TRIM66: variants seen among roughly 807,000 people sequenced by gnomAD.
The protein encoded by TRIM66 is tripartite motif-containing protein 66.
A neutral mutation model predicts 148.2 loss-of-function variants in TRIM66; 99 were observed. That is an observed-to-expected ratio of 0.67 (90% CI 0.57 to 0.79). The LOEUF is 0.79. Ranked by LOEUF, TRIM66 falls within the 30% of genes least tolerant of loss-of-function variation. The pLI is 0.00. For missense variants in TRIM66, 1,666 were observed against 1,697.9 expected, an observed-to-expected ratio of 0.98 and a Z score of 0.33; for synonymous variants, 616 against 635.9, an observed-to-expected ratio of 0.97 and a Z score of 0.47.
chr11:8,661,183 T>TC (rs1314325079), intron 6 of TRIM66, among the ~76,000 whole-genome samples: 1 of 152,146 alleles, frequency 6.6e-6, no homozygotes, highest in Non-Finnish European at 1.5e-5. Context: ...CAGGCAGATA[T>TC]CCAGGGCCTG....
At chr11:8,670,223 G>A (rs934871305) in intron 6 of TRIM66, among the ~76,000 whole-genome samples, 2 of 152,088 alleles carry the variant, frequency 1.3e-5, no homozygotes, top group Non-Finnish European at 2.9e-5. Context: ...ATGTTGCCCA[G>A]GCTGGTCTCG....
chr11:8,628,374 A>G (rs1482694482), intron 15 of TRIM66, among the ~76,000 whole-genome samples: 5 of 151,954 alleles, frequency 3.3e-5, no homozygotes, highest in African/African-American at 4.8e-5. Context: ...GCACTTTGGG[A>G]GACCGAGGCG....
chr11:8,661,443 G>T (rs2038247964), intron 6 of TRIM66, among the ~76,000 whole-genome samples: 2 of 152,218 alleles, frequency 1.3e-5, no homozygotes, highest in African/African-American at 4.8e-5. Flanking sequence ...TAGCACCTCT[G>T]TCTCTTTTCA....
intron 18 of TRIM66, 26 bp from the exon 19 acceptor site, chr11:8,621,845 T>G: frequency 6.6e-7 from 1 of 1,512,724 alleles, no homozygotes; most frequent in Non-Finnish European, 8.8e-7. Flanking sequence ...CACCCCGGGG[T>G]CTTGGTGGGA....
At chr11:8,649,967 A>G (rs1323757645) in intron 7 of TRIM66, 80 bp from the exon 8 acceptor site, 2 of 1,481,398 alleles carry the variant, frequency 1.4e-6, no homozygotes, top group Admixed American at 2.1e-5. Context: ...CTCTAAAGAC[A>G]GGGGTCCTGC....
rs1336738399 is a variant in TRIM66 at position 8,613,252 on chromosome 11, G to A, written c.*4692C>T. 6.6e-6 allele frequency: 1 copy of A among 152,146 alleles called. No individual in the cohort carries two copies. Among genetic ancestry groups the A allele is most frequent in the East Asian group, 1.9e-4 (1 of 5,188 alleles). 9.4% of individuals were successfully genotyped at this position (152,146 alleles called of 1,614,324 possible). A position where few individuals can be genotyped will look rare whatever the true frequency, so the allele number is the denominator to read the frequency against. ...ACAGCTCAGCCTGTGTGGGCTGAGA[G>A]GTAAGAGGAGAGAATCCAGAGACTT... On this transcript the variant is annotated 3_prime_UTR_variant, in exon 25 of 25. Transcript: ENST00000646038.
At position 8,651,868 on chromosome 11, in the gene TRIM66, GAT is replaced by G. The variant is rs1159941972; in HGVS notation, c.374_375del (p.Tyr125SerfsTer7). 1.9e-6 allele frequency: 3 copies of G among 1,551,600 alleles called. No individual in the cohort carries two copies. Among genetic ancestry groups the G allele is most frequent in the Admixed American group, 3.9e-5 (2 of 50,986 alleles). On this transcript the variant is annotated frameshift_variant, in exon 7 of 25. Transcript: ENST00000646038. LOFTEE classifies it high-confidence loss of function. ...LISCPGCERV[Y>X]LTRDVTEHFF... ...AAATGTTCAGTTACATCCCTGGTAAGATATACTCGTTCACACCCAGGACAGGA... is the reference window on the plus strand; with the variant it reads ...AAATGTTCAGTTACATCCCTGGTAAGATACTCGTTCACACCCAGGACAGGA...
intron 6 of TRIM66, among the ~76,000 whole-genome samples, chr11:8,663,618 C>G (rs923647475): frequency 4.6e-5 from 7 of 151,898 alleles, no homozygotes; most frequent in Non-Finnish European, 1.0e-4. Context: ...ACCTTGGATG[C>G]GGGGGGAGGG....
At chr11:8,673,817 A>T (rs1302424099) in intron 4 of TRIM66, among the ~76,000 whole-genome samples, 1 of 152,252 alleles carries the variant, frequency 6.6e-6, no homozygotes, top group African/African-American at 2.4e-5. Flanking sequence ...TTAAGAAACA[A>T]AATACAAATC....
rs1161010997 is a variant in TRIM66 at position 8,671,808 on chromosome 11, C to T, written c.318G>A (p.Lys106=). Reference sequence around the variant, plus strand: ...TACCATCTGCAACAGTCTCATGAGCCTTGGCAATCTGCCCTAGCTCCTGTA... The same window carrying T: ...TACCATCTGCAACAGTCTCATGAGCTTTGGCAATCTGCCCTAGCTCCTGTA... ...GLIQELGQIA[K]AHETVADELI... Residue 106 remains lysine, a synonymous_variant, in exon 6 of 25, where the codon AAG becomes AAA. Transcript: ENST00000646038. The T allele has an allele frequency of 6.8e-7, 1 of 1,470,734 alleles. No homozygotes were observed. The highest frequency in any genetic ancestry group is 9.2e-7 in the Non-Finnish European group (1 of 1,087,204). The allele number at this position is 1,470,734 out of a possible 1,614,324, so 91.1% of individuals were successfully genotyped here. A position where few individuals can be genotyped will look rare whatever the true frequency, so the allele number is the denominator to read the frequency against.
chr11:8,646,637 G>A, intron 10 of TRIM66, 76 bp from the exon 11 acceptor site: 1 of 1,202,100 alleles, frequency 8.3e-7, no homozygotes, highest in South Asian at 1.3e-5. Context: ...GCAAACATAA[G>A]AACCAACTTG....
chr11:8,681,888 G>A (rs560457813), intron 1 of TRIM66, among the ~76,000 whole-genome samples: 1 of 152,214 alleles, frequency 6.6e-6, no homozygotes, highest in African/African-American at 2.4e-5. Context: ...GTGTTATGTA[G>A]ATTCTGGAGA....
chr11:8,618,865 T>A lies in TRIM66; in HGVS notation c.4004A>T (p.Glu1335Val), dbSNP rs1424152893. The change falls in exon 24 of 25, where the codon GAG (glutamate) becomes GTG (valine). Residue 1335 changes from glutamate to valine, a missense_variant. By Grantham distance (121) the Glu-to-Val change is moderately radical. Transcript: ENST00000646038. Reference sequence around the variant, plus strand: ...AGACACCTCCTCGGAGTCTGAGTCCTCCTGCCTTGGCTGGGCAAACCGTTT... The same window carrying A: ...AGACACCTCCTCGGAGTCTGAGTCCACCTGCCTTGGCTGGGCAAACCGTTT... ...PEKRFAQPRQ[E>V]DSDSEEVSSE... 2 of 1,551,464 alleles carry A rather than the reference T, an allele frequency of 1.3e-6. No homozygotes were observed. The highest frequency in any genetic ancestry group is 2.4e-5 in the South Asian group (2 of 84,052).
intron 6 of TRIM66, among the ~76,000 whole-genome samples, chr11:8,666,941 C>A (rs1409982674): frequency 6.6e-6 from 1 of 152,132 alleles, no homozygotes; most frequent in Non-Finnish European, 1.5e-5. Context: ...TCCCGAGTAG[C>A]TGGTGTCTGC....
intron 18 of TRIM66, among the ~76,000 whole-genome samples, chr11:8,622,136 C>T (rs1167696181): frequency 2.0e-5 from 3 of 151,656 alleles, no homozygotes; most frequent in African/African-American, 7.3e-5. Context: ...TATCTTTCTC[C>T]TGTGCTAGAC....
intron 6 of TRIM66, 43 bp from the exon 7 acceptor site, chr11:8,651,946 G>A: frequency 6.8e-7 from 1 of 1,480,104 alleles, no homozygotes; most frequent in South Asian, 1.2e-5. Flanking sequence ...CAACATGGCT[G>A]ATTATAACTA....
chr11:8,682,819 A>G (rs2039508145), upstream of TRIM66: 2 of 1,612,514 alleles, frequency 1.2e-6, no homozygotes, highest in African/African-American at 1.3e-5. Flanking sequence ...CCAACATGGT[A>G]GGTGTTTCGT....
Position 8,645,749 on chromosome 11 carries a change from T to G in TRIM66, c.1096A>C (p.Lys366Gln). Residue 366 changes from lysine to glutamine, a missense_variant, in exon 12 of 25, where the codon AAA becomes CAA. By Grantham distance (53) the Lys-to-Gln change is moderately conservative (BLOSUM62 1). Transcript: ENST00000646038. ...SKTSVPFLFS[K>Q]ELIVFQMQRL... ...TGGGAGATTCCTCTTACCAGCTCTT[T>G]GCTGAAAAGAAAAGGGACACTGGTT... The G allele has an allele frequency of 6.4e-7, 1 of 1,551,660 alleles. No individual in the cohort carries two copies. The highest frequency in any genetic ancestry group is 1.4e-5 in the African/African-American group (1 of 73,172).
intron 17 of TRIM66, 132 bp from the exon 18 acceptor site, chr11:8,623,008 T>C (rs1053183314): frequency 1.9e-5 from 13 of 701,020 alleles, no homozygotes; most frequent in Non-Finnish European, 2.9e-5. Flanking sequence ...ACCTACACTA[T>C]AGTCATTCAT....
Sources: gnomAD v4.1 joint callset for allele counts (sites outside exome capture counted in the v4.1 genomes callset) on GRCh38, gnomAD v4.1.1 for gene constraint, MANE v1.5 for transcripts, NCBI Gene and HGNC (gene_info 2026-07-23, HGNC 2026-07-21) for gene names.